Variants in PRKN observed in about 807,000 individuals in gnomAD.
PRKN encodes the protein parkin RBR E3 ubiquitin protein ligase.
In PRKN, 56 loss-of-function variants were observed where a neutral mutation model predicts 59.5. The ratio of observed to expected loss-of-function variants is 0.94; its 90% CI spans 0.76 to 1.18. The LOEUF is 1.18. Ranked by LOEUF, PRKN falls within the 50% of genes most tolerant of loss-of-function variation. PRKN has a pLI of 0.00. For missense variants in PRKN, 657 were observed against 596.4 expected, an observed-to-expected ratio of 1.10 and a Z score of -1.06; for synonymous variants, 250 against 222.1, an observed-to-expected ratio of 1.13 and a Z score of -1.12.
Position 162,473,819 on chromosome 6 carries a change from T to C in PRKN, c.8-30346A>G, listed in dbSNP as rs1235690874. 2.6e-5 allele frequency among the ~76,000 whole-genome samples: 4 copies of C among 152,056 alleles called. 1 individual carries two copies. Among genetic ancestry groups the C allele is most frequent in the South Asian group, 4.1e-4 (2 of 4,828 alleles). ...ATGGCAAGTGTGGAAAGAGCACAGT[T>C]TGCACTCTCAGACTACTAGATTACC... On this transcript the variant is annotated intron_variant, in intron 1 of 11. Transcript: ENST00000366898.
intron 6 of PRKN, among the ~76,000 whole-genome samples, chr6:161,909,337 A>G (rs1312767349): frequency 2.0e-5 from 3 of 152,226 alleles, no homozygotes; most frequent in African/African-American, 7.2e-5. Context: ...TCAGTTCACC[A>G]AAGGTATTTC....
At position 162,201,195 on chromosome 6, in the gene PRKN, A is replaced by G. The variant is rs1211085218; in HGVS notation, c.470T>C (p.Val157Ala). 7 of 1,613,850 alleles carry G rather than the reference A, an allele frequency of 4.3e-6. No individual in the cohort carries two copies. Among genetic ancestry groups the G allele is most frequent in the Admixed American group, 1.7e-5 (1 of 59,990 alleles). Residue 157 changes from valine (V) to alanine (A), a missense_variant, in exon 4 of 12, where the codon GTG becomes GCG. Val to Ala is a moderately conservative substitution (Grantham distance 64). Coordinates refer to ENST00000366898, the MANE Select transcript of PRKN (RefSeq NM_004562.3). ...CTGTACCCTGAGTTTTCCCGGCTGCACTCTTTGACAGGGGCCTTTGCAATA... is the reference window on the plus strand; with the variant it reads ...CTGTACCCTGAGTTTTCCCGGCTGCGCTCTTTGACAGGGGCCTTTGCAATA... ...YVYCKGPCQR[V>A]QPGKLRVQCS...
At chr6:161,435,337 T>C (rs942662976) in intron 9 of PRKN, among the ~76,000 whole-genome samples, 2 of 152,188 alleles carry the variant, frequency 1.3e-5, no homozygotes, top group African/African-American at 2.4e-5. Context: ...TATCAAGCCA[T>C]GCTCTGACGC....
At chr6:162,024,983 C>T (rs189845012) in intron 5 of PRKN, among the ~76,000 whole-genome samples, 126 of 149,684 alleles carry the variant, frequency 8.4e-4, no homozygotes, top group South Asian at 1.9e-3. Context: ...AACTTCTATA[C>T]GTTTCTATGT....
rs1479947631 is a variant in PRKN, at chr6:161,582,730, A to G, written c.872-13314T>C. On this transcript the variant is annotated intron_variant, in intron 7 of 11. Transcript: ENST00000366898. The surrounding 1 kb of genome is among the most constrained non-coding windows in gnomAD (Gnocchi z 4.4). ...GTGTGAGACACTGCGCCTGGCCTGC[A>G]GACTATTATTAATTTTATAATAAGG... Among the ~76,000 whole-genome samples, 1 of 152,076 alleles carries G rather than the reference A, an allele frequency of 6.6e-6. No homozygotes were observed. Among genetic ancestry groups the G allele is most frequent in the African/African-American group, 2.4e-5 (1 of 41,400 alleles).
In PRKN at chr6:161,445,397, C is replaced by T. The variant is rs6920968; in HGVS notation, c.1084-58520G>A. On this transcript the variant is annotated intron_variant, in intron 9 of 11. Transcript: ENST00000366898. This position sits in a 1 kb window ranked among gnomAD's most constrained non-coding sequence, Gnocchi z 7.7. ...TGCCCCTGGCCACCGAGTCAAGCAGCGTAGATTGATCAGAGGAGCTGAGAG... is the reference window on the plus strand; with the variant it reads ...TGCCCCTGGCCACCGAGTCAAGCAGTGTAGATTGATCAGAGGAGCTGAGAG... Among the ~76,000 whole-genome samples, 6,141 of 152,250 alleles carry T rather than the reference C, an allele frequency of 0.04. 285 individuals are homozygous for T. The highest frequency in any genetic ancestry group is 0.12 in the East Asian group (604 of 5,162).
At position 161,576,759 on chromosome 6, in the gene PRKN, C is replaced by T. The variant is rs9365301; in HGVS notation, c.872-7343G>A. ...CAGTATAAAGGGCAGGGTTGGCTAA[C>T]GTAAAAGTAAGTGTTCATTTCTTAT... On this transcript the variant is annotated intron_variant, in intron 7 of 11. Coordinates refer to ENST00000366898, the MANE Select transcript of PRKN (RefSeq NM_004562.3). This position sits in a 1 kb window ranked among gnomAD's most constrained non-coding sequence, Gnocchi z 4.6. Among the ~76,000 whole-genome samples, 29,100 of 152,048 alleles carry T rather than the reference C, an allele frequency of 0.19. 3,372 individuals are homozygous for T. The highest frequency in any genetic ancestry group is 0.52 in the East Asian group (2,698 of 5,174).
chr6:162,523,710 T>C (rs965415010), intron 1 of PRKN, among the ~76,000 whole-genome samples: 4 of 151,716 alleles, frequency 2.6e-5, no homozygotes, highest in South Asian at 2.1e-4. Context: ...GATTTGTTTA[T>C]GGGGTCAAAA....
intron 5 of PRKN, among the ~76,000 whole-genome samples, chr6:162,039,887 C>T (rs955148544): frequency 1.3e-5 from 2 of 152,118 alleles, no homozygotes; most frequent in Admixed American, 6.5e-5. Context: ...GGAAGGTATG[C>T]CCGTCATCTA....
intron 1 of PRKN, chr6:162,568,863 A>G: frequency 1.4e-6 from 1 of 712,610 alleles, no homozygotes; most frequent in Non-Finnish European, 2.6e-6. Context: ...TGAGATCAAT[A>G]AGTGTACAGA....
In PRKN at chr6:162,149,929, T is replaced by C. The variant is rs572719522; in HGVS notation, c.534+51202A>G. 3.3e-5 allele frequency among the ~76,000 whole-genome samples: 5 copies of C among 152,296 alleles called. No homozygotes were observed. The South Asian group carries it at 1.0e-3, about 32-fold the overall frequency. ...TTCCTGATAAATAAACCCCCATGAA[T>C]GAATGTTTTGTCTTGGAAAGCACTG... On this transcript the variant is annotated intron_variant, in intron 4 of 11. Transcript: ENST00000366898.
At chr6:161,481,239 T>C (rs565344126) in intron 9 of PRKN, among the ~76,000 whole-genome samples, 29 of 152,330 alleles carry the variant, frequency 1.9e-4, no homozygotes, top group Non-Finnish European at 3.2e-4. Flanking sequence ...AGAATTCCTA[T>C]CAACTCTCCC....
At chr6:162,524,884 T>C (rs986432360) in intron 1 of PRKN, among the ~76,000 whole-genome samples, 4 of 152,180 alleles carry the variant, frequency 2.6e-5, no homozygotes, top group African/African-American at 4.8e-5. Context: ...CCCAAGGTTA[T>C]AAGACTGAAG....
In PRKN at chr6:161,609,672, T is replaced by C. The variant is rs141868696; in HGVS notation, c.872-40256A>G. On this transcript the variant is annotated intron_variant, in intron 7 of 11. Transcript: ENST00000366898. ...TTTCCTTTAAGAACCTGTTTTTCCC[T>C]ATTCCACCAAAACCAAAACAAAAAA... 7.9e-5 allele frequency among the ~76,000 whole-genome samples: 12 copies of C among 152,286 alleles called. No individual in the cohort carries two copies. The East Asian group carries it at 2.3e-3, about 29-fold the overall frequency.
intron 7 of PRKN, among the ~76,000 whole-genome samples, chr6:161,628,949 C>T (rs868061833): frequency 1.8e-4 from 27 of 152,098 alleles, no homozygotes; most frequent in African/African-American, 5.8e-4. Flanking sequence ...TTTATAGTTA[C>T]GGGAAATCTT....
At chr6:161,979,475 T>C (rs1781179446) in intron 5 of PRKN, among the ~76,000 whole-genome samples, 1 of 152,102 alleles carries the variant, frequency 6.6e-6, no homozygotes, top group Non-Finnish European at 1.5e-5. Flanking sequence ...AGTTTTACCA[T>C]GTTGGCCAGG....
intron 2 of PRKN, among the ~76,000 whole-genome samples, chr6:162,272,477 T>C (rs1387962396): frequency 6.6e-6 from 1 of 152,054 alleles, no homozygotes; most frequent in East Asian, 1.9e-4. Flanking sequence ...ATACGCTGTA[T>C]AGAATTACTG....
rs1790384861 is a variant in PRKN at position 161,785,719 on chromosome 6, T to C, written c.871+53A>G. On this transcript the variant is annotated intron_variant, in intron 7 of 11. Transcript: ENST00000366898. ...TAAGCCAGTTTTACATCAATAATTG[T>C]TCTTCTGTTCTTCATTAGCATTAGA... 4 of 1,575,484 alleles carry C rather than the reference T, an allele frequency of 2.5e-6. No individual in the cohort carries two copies. In the South Asian group the frequency reaches 3.4e-5, roughly 13 times the overall value.
intron 1 of PRKN, among the ~76,000 whole-genome samples, chr6:162,495,477 T>C (rs1420307338): frequency 6.6e-6 from 1 of 152,058 alleles, no homozygotes; most frequent in Non-Finnish European, 1.5e-5. Flanking sequence ...GCCAAGAGCT[T>C]GGGGAACCAT....
Sources: allele counts gnomAD v4.1 joint callset (sites outside exome capture counted in the v4.1 genomes callset), GRCh38; gene constraint gnomAD v4.1.1; non-coding constraint Gnocchi (gnomAD v3.1); transcripts MANE v1.5; gene names NCBI Gene and HGNC (gene_info 2026-07-23, HGNC 2026-07-21).